Variants in CPVL observed in about 807,000 individuals in gnomAD.
The protein encoded by CPVL is carboxypeptidase vitellogenic like.
Under a neutral mutation model 63.7 loss-of-function variants are expected in CPVL, and 51 were observed. That is an observed-to-expected ratio of 0.80 (90% CI 0.64 to 1.01). CPVL has a LOEUF of 1.01. Ranked by LOEUF, CPVL falls within the 50% of genes least tolerant of loss-of-function variation. The probability of loss-of-function intolerance (pLI) is 0.00; values close to 1 mark genes in which losing one functional copy is unlikely to be tolerated. For missense variants in CPVL, 530 were observed against 573.1 expected, an observed-to-expected ratio of 0.92 and a Z score of 0.77; for synonymous variants, 195 against 206.0, an observed-to-expected ratio of 0.95 and a Z score of 0.46.
intron 12 of CPVL, among the ~76,000 whole-genome samples, chr7:29,018,378 C>CTT (rs70977092): frequency 0.27 from 33,323 of 123,774 alleles, 4,908 homozygotes; most frequent in East Asian, 0.34. Flanking sequence ...AATTTTTAAT[C>CTT]TTTTTTTTTT....
chr7:29,051,349 A>G (rs535020729), intron 11 of CPVL, among the ~76,000 whole-genome samples: 1 of 152,310 alleles, frequency 6.6e-6, no homozygotes, highest in Admixed American at 6.5e-5. Flanking sequence ...CACAATCTAT[A>G]CATCTGACAA....
Position 29,116,776 on chromosome 7 carries a change from A to G in CPVL, c.170-3954T>C, listed in dbSNP as rs943695637. Among the ~76,000 whole-genome samples, 6 of 152,256 alleles carry G rather than the reference A, an allele frequency of 3.9e-5. No individual in the cohort carries two copies. In the East Asian group the frequency reaches 1.2e-3, roughly 29 times the overall value. On this transcript the variant is annotated intron_variant, in intron 2 of 12. Transcript: ENST00000265394. ...CCTACTTCATTTTGTTTCAGGGAGTAAAGATTTATTCTAGCTTCAGAGAAA... is the reference window on the plus strand; with the variant it reads ...CCTACTTCATTTTGTTTCAGGGAGTGAAGATTTATTCTAGCTTCAGAGAAA...
chr7:29,051,865 C>T (rs900203906), intron 11 of CPVL, among the ~76,000 whole-genome samples: 5 of 150,926 alleles, frequency 3.3e-5, no homozygotes, highest in African/African-American at 9.7e-5. Context: ...CATCAACCAA[C>T]GAGTGGATAA....
At chr7:29,102,977 C>G (rs557124534) in intron 3 of CPVL, among the ~76,000 whole-genome samples, 2 of 152,178 alleles carry the variant, frequency 1.3e-5, no homozygotes, top group African/African-American at 4.8e-5. Context: ...AAAACTAGTA[C>G]TAAATCCTGT....
At chr7:29,023,259 C>G (rs1444465265) in intron 12 of CPVL, among the ~76,000 whole-genome samples, 1 of 152,154 alleles carries the variant, frequency 6.6e-6, no homozygotes, top group East Asian at 1.9e-4. Flanking sequence ...AATGGGCTCA[C>G]AGTTCCACAT....
At position 29,092,643 on chromosome 7, in the gene CPVL, A is replaced by G; in HGVS notation, c.522T>C (p.Asp174=). ...DTHGYAVNED[D]VARDLYSALI... The stretch of plus-strand genomic sequence containing the variant: ...TTTACCTGTATAAATCCCGTGCTAC[A>G]TCGTCCTCATTGACTGCATATCCGT... Residue 174 remains aspartate (D), a synonymous_variant, in exon 6 of 13, where the codon GAT becomes GAC. Transcript: ENST00000265394. The G allele has an allele frequency of 6.2e-7, 1 of 1,613,718 alleles. No homozygotes were observed. The highest frequency in any genetic ancestry group is 1.1e-5 in the South Asian group (1 of 91,078).
chr7:29,040,880 G>C (rs1174961764), intron 11 of CPVL, among the ~76,000 whole-genome samples: 1 of 152,078 alleles, frequency 6.6e-6, no homozygotes, highest in East Asian at 1.9e-4. Context: ...AACTTGAAAA[G>C]GATCCAGAAA....
At chr7:29,111,348 G>A (rs906245889) in intron 3 of CPVL, among the ~76,000 whole-genome samples, 1 of 152,172 alleles carries the variant, frequency 6.6e-6, no homozygotes, top group Admixed American at 6.5e-5. Context: ...TAGACCACCC[G>A]ATTCCACCTG....
At chr7:29,150,859 C>T (rs1408151975), upstream of CPVL, among the ~76,000 whole-genome samples, 2 of 152,184 alleles carry the variant, frequency 1.3e-5, no homozygotes, top group East Asian at 3.8e-4. Context: ...AGCCCCCATG[C>T]ACCACAATTA....
intron 8 of CPVL, 133 bp from the exon 9 acceptor site, chr7:29,072,037 G>A (rs1340237492): frequency 6.6e-6 from 7 of 1,068,058 alleles, no homozygotes; most frequent in Non-Finnish European, 6.8e-6. Context: ...ATAATTACAT[G>A]CACACACACA....
chr7:29,131,047 G>A (rs893046611), intron 1 of CPVL, among the ~76,000 whole-genome samples: 1 of 152,168 alleles, frequency 6.6e-6, no homozygotes, highest in Admixed American at 6.5e-5. Flanking sequence ...TCAAGTCAGT[G>A]TAGCTCTGTT....
intron 11 of CPVL, among the ~76,000 whole-genome samples, chr7:29,036,872 C>T (rs1244068403): frequency 6.6e-6 from 1 of 152,120 alleles, no homozygotes; most frequent in Non-Finnish European, 1.5e-5. Context: ...TTATTTATCC[C>T]ATTTTAGGCA....
downstream of CPVL, among the ~76,000 whole-genome samples, chr7:28,994,956 G>T (rs2128118593): frequency 6.6e-6 from 1 of 152,300 alleles, no homozygotes; most frequent in South Asian, 2.1e-4. Context: ...AACTGCTAAT[G>T]AATGTATATT....
chr7:29,081,582 G>C (rs1366446105), intron 7 of CPVL: 2 of 152,056 alleles, frequency 1.3e-5, no homozygotes, highest in African/African-American at 4.8e-5. Context: ...TTTTTTTTTA[G>C]ACAAAGTAAC....
chr7:29,003,785 C>A (rs960457785), intron 12 of CPVL, among the ~76,000 whole-genome samples: 1 of 152,126 alleles, frequency 6.6e-6, no homozygotes, highest in Non-Finnish European at 1.5e-5. Context: ...TGACACTGTT[C>A]CACTTCAGAT....
At chr7:29,112,314 T>C (rs920226440) in intron 3 of CPVL, among the ~76,000 whole-genome samples, 2 of 152,146 alleles carry the variant, frequency 1.3e-5, no homozygotes, top group African/African-American at 4.8e-5. Flanking sequence ...TAGCCACGCA[T>C]TACCTGTTCA....
At chr7:29,025,020 AAAC>A (rs755051545) in intron 12 of CPVL, among the ~76,000 whole-genome samples, 17 of 152,228 alleles carry the variant, frequency 1.1e-4, no homozygotes, top group Non-Finnish European at 2.1e-4. Flanking sequence ...AGGATATATA[AAAC>A]AACCAGAAAA....
At chr7:29,046,289 T>C (rs1584090190) in intron 11 of CPVL, among the ~76,000 whole-genome samples, 1 of 152,094 alleles carries the variant, frequency 6.6e-6, no homozygotes, top group African/African-American at 2.4e-5. Context: ...TTTCACCACA[T>C]TGGCCAGGCT....
intron 9 of CPVL, among the ~76,000 whole-genome samples, chr7:29,067,253 G>A (rs558686992): frequency 5.9e-5 from 9 of 152,264 alleles, no homozygotes; most frequent in East Asian, 1.9e-4. Context: ...CAAAAGGATC[G>A]TCAATGTGGA....
Sources: gnomAD v4.1 joint callset for allele counts (sites outside exome capture counted in the v4.1 genomes callset) on GRCh38, gnomAD v4.1.1 for gene constraint, MANE v1.5 for transcripts, NCBI Gene and HGNC (gene_info 2026-07-23, HGNC 2026-07-21) for gene names.